ZNF609: variants seen among roughly 807,000 people sequenced by gnomAD.
ZNF609 encodes the protein zinc finger protein 609.
ZNF609 carries 11 observed loss-of-function variants against 109.5 expected under a neutral mutation model. The observed-to-expected ratio is 0.10, with a 90% confidence interval of 0.06 to 0.17. The LOEUF (loss-of-function observed/expected upper bound fraction) is 0.17. Among genes scored for constraint, ZNF609 ranks in the 10% least tolerant of loss-of-function variants. The pLI, the probability that ZNF609 is intolerant of heterozygous loss-of-function variation, is 1.00. For missense variants in ZNF609, 1,559 were observed against 1,772.4 expected (o/e 0.88, Z 2.16); for synonymous variants, 646 against 662.0 (o/e 0.98, Z 0.37).
intron 3 of ZNF609, among the ~76,000 whole-genome samples, chr15:64,643,963 A>G (rs1896296926): frequency 6.6e-6 from 1 of 151,834 alleles, no homozygotes; most frequent in African/African-American, 2.4e-5. Flanking sequence ...AATTAGCTGG[A>G]CATGGTAGTA....
At chr15:64,581,747 G>A (rs1011699193) in intron 2 of ZNF609, among the ~76,000 whole-genome samples, 3 of 152,102 alleles carry the variant, frequency 2.0e-5, no homozygotes, top group African/African-American at 4.8e-5. Flanking sequence ...TGCTAACAAA[G>A]CTCAATGTTT....
chr15:64,517,282 C>T (rs554416572), intron 2 of ZNF609, among the ~76,000 whole-genome samples: 2 of 152,168 alleles, frequency 1.3e-5, no homozygotes, highest in Admixed American at 1.3e-4. Flanking sequence ...GAAGCTGAGG[C>T]AGGAGAATCA....
At chr15:64,533,690 C>T (rs1207007487) in intron 2 of ZNF609, among the ~76,000 whole-genome samples, 1 of 151,982 alleles carries the variant, frequency 6.6e-6, no homozygotes, top group Non-Finnish European at 1.5e-5. Context: ...TCTTGTTTCC[C>T]ATTTTTCTTG....
chr15:64,531,320 A>G (rs1354880217), intron 2 of ZNF609, among the ~76,000 whole-genome samples: 6 of 152,150 alleles, frequency 3.9e-5, no homozygotes, highest in Non-Finnish European at 7.3e-5. Context: ...TGCCCAGAGG[A>G]TTGCTGAATA....
chr15:64,678,561 G>A, intron 6 of ZNF609, 79 bp downstream of exon 6: 2 of 1,513,040 alleles, frequency 1.3e-6, no homozygotes, highest in Non-Finnish European at 8.8e-7. Context: ...GAGTTTTCTT[G>A]CTCAGCCCCA....
intron 1 of ZNF609, among the ~76,000 whole-genome samples, chr15:64,482,262 A>T (rs28583557): frequency 2.6e-5 from 4 of 152,208 alleles, no homozygotes; most frequent in African/African-American, 7.2e-5. Flanking sequence ...AACTTTTTTT[A>T]AAAGTTTTTT....
chr15:64,581,472 T>G (rs1487286474), intron 2 of ZNF609, among the ~76,000 whole-genome samples: 2 of 152,090 alleles, frequency 1.3e-5, no homozygotes, highest in African/African-American at 2.4e-5. Flanking sequence ...TCCCTATATT[T>G]TTCACAAATA....
At chr15:64,508,800 T>G (rs1373648555) in intron 2 of ZNF609, among the ~76,000 whole-genome samples, 1 of 151,554 alleles carries the variant, frequency 6.6e-6, no homozygotes, top group Non-Finnish European at 1.5e-5. Context: ...GTGATTCTCC[T>G]ACCTCACTTC....
chr15:64,582,783 G>A (rs775527248), intron 2 of ZNF609, among the ~76,000 whole-genome samples: 6 of 92,918 alleles, frequency 6.5e-5, no homozygotes, highest in East Asian at 3.8e-4. Context: ...ACAGAGTCTC[G>A]CTTTGTCACC....
chr15:64,576,990 ACACATAAATATATATATGTATG>A (rs1464013121), intron 2 of ZNF609, among the ~76,000 whole-genome samples: 7 of 136,368 alleles, frequency 5.1e-5, no homozygotes, highest in South Asian at 2.2e-4. Context: ...ATGTATGTAT[ACACATAAATATATATATGTATG>A]TATACACATA....
intron 3 of ZNF609, among the ~76,000 whole-genome samples, chr15:64,660,696 C>G (rs1274553947): frequency 6.6e-6 from 1 of 152,158 alleles, no homozygotes; most frequent in African/African-American, 2.4e-5. Flanking sequence ...TACAGCCACA[C>G]TATCCTCTTT....
At chr15:64,648,576 T>C (rs546359320) in intron 3 of ZNF609, among the ~76,000 whole-genome samples, 21 of 152,260 alleles carry the variant, frequency 1.4e-4, no homozygotes, top group African/African-American at 4.6e-4. Flanking sequence ...TTTAGCTATA[T>C]AACATTGGAA....
chr15:64,554,252 A>G (rs903701938), intron 2 of ZNF609, among the ~76,000 whole-genome samples: 1 of 152,140 alleles, frequency 6.6e-6, no homozygotes, highest in Non-Finnish European at 1.5e-5. Flanking sequence ...GTCCTCTTCT[A>G]TTCCTGGCGT....
At chr15:64,659,985 C>T (rs1896550377) in intron 3 of ZNF609, among the ~76,000 whole-genome samples, 1 of 151,928 alleles carries the variant, frequency 6.6e-6, no homozygotes, top group Admixed American at 6.6e-5. Flanking sequence ...CAAGTGCACG[C>T]CACCATGCTC....
At chr15:64,678,708 T>C (rs1896841100) in intron 6 of ZNF609, among the ~76,000 whole-genome samples, 1 of 152,204 alleles carries the variant, frequency 6.6e-6, no homozygotes. Context: ...TTGCTCCAGC[T>C]CAAGGATTGT....
intron 3 of ZNF609, among the ~76,000 whole-genome samples, chr15:64,665,563 T>C (rs1247252106): frequency 6.6e-6 from 1 of 151,992 alleles, no homozygotes; most frequent in Non-Finnish European, 1.5e-5. Context: ...CCAGCCTGGG[T>C]AACATAGTGA....
At chr15:64,582,125 C>T (rs528261140) in intron 2 of ZNF609, among the ~76,000 whole-genome samples, 4 of 152,142 alleles carry the variant, frequency 2.6e-5, no homozygotes, top group Admixed American at 2.0e-4. Flanking sequence ...TACTCTAGAC[C>T]AGTGCACCAG....
chr15:64,673,018 T>C (rs1025882194), intron 4 of ZNF609, among the ~76,000 whole-genome samples: 1 of 151,980 alleles, frequency 6.6e-6, no homozygotes. Context: ...TTAGTAAAGT[T>C]CTTTATGCCC....
intron 2 of ZNF609, among the ~76,000 whole-genome samples, chr15:64,561,546 CTTTTTCTTTTTT>C: frequency 7.0e-6 from 1 of 142,328 alleles, no homozygotes; most frequent in Non-Finnish European, 1.5e-5. Context: ...CTTTTCTTTT[CTTTTTCTTTTTT>C]TTTTTTTTTT....
Sources: gnomAD v4.1 joint callset for allele counts (sites outside exome capture counted in the v4.1 genomes callset) on GRCh38, gnomAD v4.1.1 for gene constraint, MANE v1.5 for transcripts, NCBI Gene and HGNC (gene_info 2026-07-23, HGNC 2026-07-21) for gene names.